IQSEC1: variants seen among roughly 807,000 people sequenced by gnomAD.
The protein encoded by IQSEC1 is IQ motif and Sec7 domain ArfGEF 1, also known as IQ motif and SEC7 domain-containing protein 1.
Under a neutral mutation model 91.0 loss-of-function variants are expected in IQSEC1, and 31 were observed. That is an observed-to-expected ratio of 0.34 (90% CI 0.26 to 0.46). The LOEUF is 0.46. IQSEC1 is among the 20% of genes least tolerant of loss of function. The probability of loss-of-function intolerance (pLI) is 1.00; values close to 1 mark genes in which losing one functional copy is unlikely to be tolerated. For synonymous variants in IQSEC1, 699 were observed against 662.6 expected (o/e 1.05, Z -0.84); for missense variants, 1,388 against 1,575.6 (o/e 0.88, Z 2.02).
intron 1 of IQSEC1, among the ~76,000 whole-genome samples, chr3:12,960,002 C>T (rs1002974343): frequency 6.6e-5 from 10 of 152,120 alleles, no homozygotes; most frequent in African/African-American, 1.9e-4. Flanking sequence ...CACGTTCCTG[C>T]GACCGCACCT....
intron 1 of IQSEC1, among the ~76,000 whole-genome samples, chr3:13,200,452 T>C (rs1261554666): frequency 6.6e-6 from 1 of 152,192 alleles, no homozygotes; most frequent in Non-Finnish European, 1.5e-5. Flanking sequence ...ACTTTCTAGA[T>C]CAGAAACAAC....
intron 1 of IQSEC1, among the ~76,000 whole-genome samples, chr3:13,009,181 T>C (rs1347012715): frequency 6.6e-6 from 1 of 152,154 alleles, no homozygotes; most frequent in Non-Finnish European, 1.5e-5. Context: ...AGGTCTATTT[T>C]ACAGATGTCA....
chr3:13,004,737 G>A (rs752574685), intron 1 of IQSEC1, among the ~76,000 whole-genome samples: 1 of 152,134 alleles, frequency 6.6e-6, no homozygotes, highest in Non-Finnish European at 1.5e-5. Context: ...CAGGTGAGGG[G>A]CTGCAGGGAT....
chr3:12,913,652 G>A (rs1438746917), intron 8 of IQSEC1, 99 bp from the exon 9 acceptor site: 8 of 1,258,234 alleles, frequency 6.4e-6, no homozygotes, highest in Middle Eastern at 2.7e-4. Context: ...CTAGAAACCC[G>A]GCACGTGGGC....
chr3:13,100,983 C>T (rs1297025028), intron 2 of IQSEC1, among the ~76,000 whole-genome samples: 2 of 129,154 alleles, frequency 1.5e-5, no homozygotes, highest in East Asian at 1.9e-4. Context: ...GGGAGGACCT[C>T]GAGCAAGAGT....
intron 1 of IQSEC1, among the ~76,000 whole-genome samples, chr3:13,006,616 AT>A (rs1328315568): frequency 6.6e-6 from 1 of 152,250 alleles, no homozygotes; most frequent in African/African-American, 2.4e-5. Context: ...TTAAGACACT[AT>A]GTTCTGTGTA....
chr3:13,113,041 T>C (rs1402025805), intron 2 of IQSEC1, among the ~76,000 whole-genome samples: 1 of 152,190 alleles, frequency 6.6e-6, no homozygotes. Flanking sequence ...CTAGAGCTGC[T>C]CTGGGAGCTG....
chr3:13,263,437 G>GAAAAAGTACCTGACACTTTTTTTTTTT (rs1695427786), intron 1 of IQSEC1, among the ~76,000 whole-genome samples: 1 of 94,152 alleles, frequency 1.1e-5, no homozygotes, highest in African/African-American at 4.3e-5. Flanking sequence ...TGGGGGGGGG[G>GAAAAAGTACCTGACACTTTTTTTTTTT]GGAAAGTACC....
intron 1 of IQSEC1, among the ~76,000 whole-genome samples, chr3:13,037,767 A>C (rs1704090700): frequency 1.3e-5 from 2 of 152,196 alleles, no homozygotes; most frequent in Admixed American, 6.5e-5. Context: ...ATAACAAAAA[A>C]ACAAATACTG....
At position 12,911,154 on chromosome 3, in the gene IQSEC1, G is replaced by A. The variant is rs115599619; in HGVS notation, c.2416+475C>T. ...TGGCAGGCACTACCTTACAACCCAG[G>A]CAACAGAGGCCAGAGGGGTTGCAGA... On this transcript the variant is annotated intron_variant, in intron 10 of 13. Coordinates refer to ENST00000613206, the MANE Select transcript of IQSEC1 (RefSeq NM_001134382.3). Among the ~76,000 whole-genome samples, 1,032 of 152,278 alleles carry A rather than the reference G, an allele frequency of 6.8e-3. 20 individuals are homozygous for A. Among genetic ancestry groups the A allele is most frequent in the African/African-American group, 0.024 (980 of 41,562 alleles).
rs187608908 is a variant in IQSEC1 at position 12,938,281 on chromosome 3, G to A, written c.319-1584C>T. 2.1e-3 allele frequency among the ~76,000 whole-genome samples: 326 copies of A among 152,348 alleles called. 1 individual carries two copies. The highest frequency in any genetic ancestry group is 7.4e-3 in the African/African-American group (308 of 41,584). On this transcript the variant is annotated intron_variant, in intron 2 of 13. Coordinates refer to ENST00000613206, the MANE Select transcript of IQSEC1 (RefSeq NM_001134382.3). ...ATGGAGGTCCTTGCCCTCGAGGAGC[G>A]AGGGGTCTGTCAAGGAGAGCAGGCA... is the stretch of plus-strand genomic sequence containing the variant.
At chr3:13,032,937 C>T (rs1703901442) in intron 1 of IQSEC1, among the ~76,000 whole-genome samples, 1 of 152,192 alleles carries the variant, frequency 6.6e-6, no homozygotes, top group Non-Finnish European at 1.5e-5. Flanking sequence ...CCCGTCAACC[C>T]TCATAAAGCA....
rs986571333 is a variant in IQSEC1 at position 13,252,934 on chromosome 3, T to G, written c.272+29777A>C. On this transcript the variant is annotated intron_variant, in intron 1 of 15. Coordinates refer to the IQSEC1 transcript ENST00000648114. ...TTTTTAGTAGTGACGGAGTTTCACCTTGTTAGCCAGGATGGTCTCGATCTC... is the reference window on the plus strand; with the variant it reads ...TTTTTAGTAGTGACGGAGTTTCACCGTGTTAGCCAGGATGGTCTCGATCTC... 1.8e-4 allele frequency among the ~76,000 whole-genome samples: 27 copies of G among 152,216 alleles called. 1 individual carries two copies. Among genetic ancestry groups the G allele is most frequent in the Admixed American group, 1.8e-3 (27 of 15,298 alleles).
At chr3:13,156,497 G>A (rs1337192699) in intron 2 of IQSEC1, among the ~76,000 whole-genome samples, 1 of 152,234 alleles carries the variant, frequency 6.6e-6, no homozygotes, top group Non-Finnish European at 1.5e-5. Flanking sequence ...AGGGACAGAA[G>A]TGGGAGCATT....
intron 1 of IQSEC1, among the ~76,000 whole-genome samples, chr3:13,235,445 T>C (rs1694911411): frequency 6.6e-6 from 1 of 152,108 alleles, no homozygotes; most frequent in Non-Finnish European, 1.5e-5. Context: ...TCCAGAAACC[T>C]CCCTGCTCAC....
rs1696735846 is a variant in IQSEC1 at position 12,922,610 on chromosome 3, T to C, written c.1731-368A>G. 6.6e-6 allele frequency among the ~76,000 whole-genome samples: 1 copy of C among 152,158 alleles called. No individual in the cohort carries two copies. The highest frequency in any genetic ancestry group is 2.1e-4 in the South Asian group (1 of 4,838). ...CGCCACTGTGAGTCTCCTCTCCTTC[T>C]GCACGGGGTTGGGGAGTTTGCTGCC... On this transcript the variant is annotated intron_variant, in intron 4 of 13. Transcript: ENST00000613206. This position sits in a 1 kb window ranked among gnomAD's most constrained non-coding sequence, Gnocchi z 5.1.
In IQSEC1 at chr3:13,047,563, C is replaced by T. The variant is rs369574369; in HGVS notation, c.23+25429G>A. On this transcript the variant is annotated intron_variant, in intron 1 of 13. Coordinates refer to ENST00000613206, the MANE Select transcript of IQSEC1 (RefSeq NM_001134382.3). ...CGAGACAGGGTTACTTATGGTCCCA[C>T]ACACACAGCAAACCCCTTGGGGGCC... 8.4e-5 allele frequency: 81 copies of T among 969,686 alleles called. No homozygotes were observed. The African/African-American group carries it at 1.1e-3, about 13-fold the overall frequency. 60.1% of individuals were successfully genotyped at this position (969,686 alleles called of 1,614,324 possible).
intron 1 of IQSEC1, among the ~76,000 whole-genome samples, chr3:12,980,522 C>G (rs575353273): frequency 6.6e-6 from 1 of 152,298 alleles, no homozygotes; most frequent in East Asian, 1.9e-4. Flanking sequence ...GGTTTGGAAC[C>G]CCCTGGAGTG....
At chr3:13,007,106 C>T (rs1702669627) in intron 1 of IQSEC1, among the ~76,000 whole-genome samples, 1 of 152,202 alleles carries the variant, frequency 6.6e-6, no homozygotes, top group African/African-American at 2.4e-5. Flanking sequence ...GTAGGGGTGC[C>T]CCTAATTCAC....
Sources: gnomAD v4.1 joint callset for allele counts (sites outside exome capture counted in the v4.1 genomes callset) on GRCh38, gnomAD v4.1.1 for gene constraint, Gnocchi (gnomAD v3.1) non-coding constraint, MANE v1.5 for transcripts, NCBI Gene and HGNC (gene_info 2026-07-23, HGNC 2026-07-21) for gene names.